The following ADAM18 variants were observed in gnomAD, a reference collection of about 807,000 sequenced individuals.
ADAM18 encodes disintegrin and metalloproteinase domain-containing protein 18.
Under a neutral mutation model 94.4 loss-of-function variants are expected in ADAM18, and 117 were observed. The ratio of observed to expected loss-of-function variants is 1.24; its 90% CI spans 1.07 to 1.45. ADAM18 has a LOEUF of 1.45. ADAM18 is among the 40% of genes most tolerant of loss of function. The probability of loss-of-function intolerance (pLI) is 0.00; values close to 1 mark genes in which losing one functional copy is unlikely to be tolerated. For missense variants in ADAM18, 936 were observed against 880.0 expected (o/e 1.06, Z -0.81); for synonymous variants, 327 against 291.6 (o/e 1.12, Z -1.24).
chr8:39,680,258 T>C lies in ADAM18; in HGVS notation c.1821+32T>C, dbSNP rs1340222998. The C allele has an allele frequency of 3.2e-6, 5 of 1,569,084 alleles. No homozygotes were observed. In the South Asian group the frequency reaches 5.7e-5, roughly 18 times the overall value. ...AAATGTGATAATTTATATTCAGCTG[T>C]GTTAAATTATGTGAATTATCAGATA... On this transcript the variant is annotated intron_variant, in intron 16 of 19. Transcript: ENST00000265707.
chr8:39,678,838 G>A (rs1290372608), intron 15 of ADAM18, among the ~76,000 whole-genome samples: 1 of 152,140 alleles, frequency 6.6e-6, no homozygotes, highest in African/African-American at 2.4e-5. Context: ...AAATTGAGTA[G>A]CATACATCGT....
intron 2 of ADAM18, among the ~76,000 whole-genome samples, chr8:39,587,891 G>T (rs1818453908): frequency 6.6e-6 from 1 of 152,098 alleles, no homozygotes; most frequent in African/African-American, 2.4e-5. Context: ...AAGCTAAATA[G>T]TGTTCCAATA....
At chr8:39,705,878 A>G (rs1050557172) in intron 17 of ADAM18, among the ~76,000 whole-genome samples, 19 of 152,158 alleles carry the variant, frequency 1.2e-4, no homozygotes, top group African/African-American at 4.6e-4. Flanking sequence ...ACATACAGGT[A>G]TGAGAAGAAG....
chr8:39,694,257 T>C lies in ADAM18; in HGVS notation c.1902+1577T>C, dbSNP rs184494872. ...TTTTATTATAATTTTCAATTAAAATTATTCTTTTATTTCTAGTTTGTTTTC... is the reference window on the plus strand; with the variant it reads ...TTTTATTATAATTTTCAATTAAAATCATTCTTTTATTTCTAGTTTGTTTTC... On this transcript the variant is annotated intron_variant, in intron 17 of 19. Transcript: ENST00000265707. Among the ~76,000 whole-genome samples the C allele has an allele frequency of 4.8e-4, 73 of 151,456 alleles. No individual in the cohort carries two copies. The East Asian group carries it at 9.6e-3, about 20-fold the overall frequency.
chr8:39,674,049 G>A (rs1180429100), intron 14 of ADAM18, among the ~76,000 whole-genome samples: 3 of 152,070 alleles, frequency 2.0e-5, no homozygotes, highest in Non-Finnish European at 4.4e-5. Context: ...CCAATTTTGT[G>A]GTCAATTTTA....
At chr8:39,725,926 A>C (rs1382612151) in intron 19 of ADAM18, among the ~76,000 whole-genome samples, 1 of 152,162 alleles carries the variant, frequency 6.6e-6, no homozygotes, top group African/African-American at 2.4e-5. Flanking sequence ...AAGAACCGTC[A>C]TACTGTTTTC....
chr8:39,590,834 C>T (rs2129458015), intron 2 of ADAM18, among the ~76,000 whole-genome samples: 1 of 152,298 alleles, frequency 6.6e-6, no homozygotes, highest in Admixed American at 6.5e-5. Flanking sequence ...CACAAACTCT[C>T]TCATGATTCC....
At chr8:39,591,300 C>G (rs1287301502) in intron 2 of ADAM18, among the ~76,000 whole-genome samples, 1 of 152,124 alleles carries the variant, frequency 6.6e-6, no homozygotes, top group African/African-American at 2.4e-5. Flanking sequence ...AAAGATTTCT[C>G]TATAGTATGC....
chr8:39,703,397 A>G (rs1822143191), intron 17 of ADAM18, among the ~76,000 whole-genome samples: 1 of 152,002 alleles, frequency 6.6e-6, no homozygotes, highest in South Asian at 2.1e-4. Flanking sequence ...CAATGAGGTT[A>G]TTTTTAGATA....
At chr8:39,585,489 C>A in intron 2 of ADAM18, 137 bp downstream of exon 2, 2 of 641,826 alleles carry the variant, frequency 3.1e-6, no homozygotes, top group Non-Finnish European at 2.6e-6. Context: ...TGTCTCCTAC[C>A]GTGTTTTGAT....
intron 14 of ADAM18, among the ~76,000 whole-genome samples, chr8:39,670,032 T>C (rs907597710): frequency 6.6e-6 from 1 of 152,232 alleles, no homozygotes; most frequent in East Asian, 1.9e-4. Flanking sequence ...TGGTATCTCA[T>C]TGTGGGTTTG....
chr8:39,594,991 C>T (rs1818698019), intron 2 of ADAM18, among the ~76,000 whole-genome samples: 1 of 151,398 alleles, frequency 6.6e-6, no homozygotes, highest in Admixed American at 6.6e-5. Flanking sequence ...GTTATAGTAC[C>T]CTAGGTCCCC....
intron 15 of ADAM18, among the ~76,000 whole-genome samples, chr8:39,679,417 A>G (rs527269026): frequency 2.0e-5 from 3 of 152,298 alleles, no homozygotes; most frequent in Admixed American, 6.5e-5. Context: ...ATTTTACCCA[A>G]TGATAGATTA....
At chr8:39,620,843 A>G (rs759198845) in intron 6 of ADAM18, among the ~76,000 whole-genome samples, 22 of 151,826 alleles carry the variant, frequency 1.4e-4, no homozygotes, top group Non-Finnish European at 2.9e-4. Flanking sequence ...GTGTGGAATG[A>G]TAGACAATAG....
intron 10 of ADAM18, among the ~76,000 whole-genome samples, chr8:39,643,126 T>C (rs1022079359): frequency 6.6e-6 from 1 of 152,142 alleles, no homozygotes; most frequent in Non-Finnish European, 1.5e-5. Context: ...TTTTTGCATA[T>C]GATTTTGTAT....
intron 6 of ADAM18, among the ~76,000 whole-genome samples, chr8:39,615,850 T>A (rs1210162173): frequency 1.3e-5 from 2 of 152,126 alleles, no homozygotes; most frequent in African/African-American, 4.8e-5. Flanking sequence ...AGCAAACAAC[T>A]TCAGCAAAGT....
intron 2 of ADAM18, among the ~76,000 whole-genome samples, chr8:39,601,096 T>A (rs1818888611): frequency 6.6e-6 from 1 of 152,082 alleles, no homozygotes; most frequent in Non-Finnish European, 1.5e-5. Flanking sequence ...GAGGAGGAGA[T>A]GCTGCACACT....
intron 14 of ADAM18, among the ~76,000 whole-genome samples, chr8:39,671,241 T>C (rs967568869): frequency 1.3e-5 from 2 of 152,214 alleles, no homozygotes; most frequent in Non-Finnish European, 2.9e-5. Flanking sequence ...CTGGTGGAAG[T>C]TGATAATATA....
At chr8:39,608,095 C>T (rs541662420) in intron 3 of ADAM18, among the ~76,000 whole-genome samples, 1 of 151,982 alleles carries the variant, frequency 6.6e-6, no homozygotes, top group South Asian at 2.1e-4. Flanking sequence ...GAAAAAAAAA[C>T]ATGTAAAAAG....
Sources: gnomAD v4.1 joint callset for allele counts (sites outside exome capture counted in the v4.1 genomes callset) on GRCh38, gnomAD v4.1.1 for gene constraint, MANE v1.5 for transcripts, NCBI Gene and HGNC (gene_info 2026-07-23, HGNC 2026-07-21) for gene names.